The following PARK7 variants were observed in gnomAD, a reference collection of about 807,000 sequenced individuals.
PARK7 encodes the protein Parkinsonism associated deglycase, also known as Parkinson disease protein 7.
In PARK7, 14 loss-of-function variants were observed where a neutral mutation model predicts 20.5. The ratio of observed to expected loss-of-function variants is 0.68; its 90% confidence interval spans 0.45 to 1.07. The LOEUF (loss-of-function observed/expected upper bound fraction) is 1.07. Among genes scored for constraint, PARK7 ranks in the 50% least tolerant of loss-of-function variants. The pLI, the probability that PARK7 is intolerant of heterozygous loss-of-function variation, is 0.00. For synonymous variants in PARK7, 98 were observed against 84.3 expected (o/e 1.16, Z -0.89); for missense variants, 234 against 238.1 (o/e 0.98, Z 0.11).
At chr1:7,965,958 T>G (rs1640317850) in intron 3 of PARK7, among the ~76,000 whole-genome samples, 1 of 152,176 alleles carries the variant, frequency 6.6e-6, no homozygotes, top group African/African-American at 2.4e-5. Context: ...TACAGGCATG[T>G]GCCATGCCCG....
In PARK7 at chr1:7,984,445, A is replaced by G. The variant is rs1166350160; in HGVS notation, c.410-449A>G. Among the ~76,000 whole-genome samples the G allele has an allele frequency of 6.6e-6, 1 of 152,238 alleles. No homozygotes were observed. Among genetic ancestry groups the G allele is most frequent in the African/African-American group, 2.4e-5 (1 of 41,466 alleles). On this transcript the variant is annotated intron_variant, in intron 6 of 6. Transcript: ENST00000338639. The surrounding 1 kb of genome is among the most constrained non-coding windows in gnomAD (Gnocchi z 4.3). Reference sequence around the variant, plus strand: ...CACACTCACATGCATACCCGCCTCCATTACGTTGTGCTGTGGTTGTTTTTG... The same window carrying G: ...CACACTCACATGCATACCCGCCTCCGTTACGTTGTGCTGTGGTTGTTTTTG...
chr1:7,963,819 CTT>C lies in PARK7; in HGVS notation c.90+958_90+959del, dbSNP rs34787365. 5.2e-3 allele frequency among the ~76,000 whole-genome samples: 747 copies of C among 144,250 alleles called. 2 individuals are homozygous for C. The highest frequency in any genetic ancestry group is 0.013 in the African/African-American group (495 of 38,990). 94.6% of individuals were successfully genotyped at this position (144,250 alleles called of 152,430 possible). ...CTCTTGTGTATCCATGCATGTGTGT[CTT>C]TTTTTTTTTTTTTAAGACAGAGTCT... is the stretch of plus-strand genomic sequence containing the variant. On this transcript the variant is annotated intron_variant, in intron 2 of 6. Transcript: ENST00000338639.
intron 4 of PARK7, 108 bp from the exon 5 acceptor site, chr1:7,970,786 G>T: frequency 1.0e-6 from 1 of 999,702 alleles, no homozygotes; most frequent in East Asian, 2.5e-5. Context: ...AAATAGGTCA[G>T]AGAGCTTGTG....
chr1:7,971,719 G>A (rs1188969906), intron 5 of PARK7: 1 of 152,146 alleles, frequency 6.6e-6, no homozygotes. Context: ...GATCACCTGA[G>A]GTCAGGAGTT....
rs529613247 is a variant in PARK7 at position 7,964,640 on chromosome 1, A to G, written c.91-684A>G. Among the ~76,000 whole-genome samples, 9 of 152,346 alleles carry G rather than the reference A, an allele frequency of 5.9e-5. No individual in the cohort carries two copies. The East Asian group carries it at 1.7e-3, about 29-fold the overall frequency. On this transcript the variant is annotated intron_variant, in intron 2 of 6. Coordinates refer to ENST00000338639, the MANE Select transcript of PARK7 (RefSeq NM_007262.5). The stretch of plus-strand genomic sequence containing the variant: ...GGCCGAAGGATAGCCTGTAGTCAGC[A>G]TGACTAGGTTTTGCCAAGTTGCTCT...
At chr1:7,981,759 C>T (rs979747611) in intron 6 of PARK7, among the ~76,000 whole-genome samples, 4 of 149,744 alleles carry the variant, frequency 2.7e-5, no homozygotes, top group African/African-American at 9.8e-5. Context: ...CCCAGGTTCA[C>T]GCCATTCTCC....
At chr1:7,969,559 A>G (rs926692001) in intron 4 of PARK7, among the ~76,000 whole-genome samples, 155 bp downstream of exon 4, 3 of 152,042 alleles carry the variant, frequency 2.0e-5, no homozygotes, top group African/African-American at 7.3e-5. Context: ...AAATTAACAA[A>G]ATGGTGTTAT....
chr1:7,973,667 T>C (rs1372612453), intron 5 of PARK7, among the ~76,000 whole-genome samples: 1 of 151,744 alleles, frequency 6.6e-6, no homozygotes, highest in East Asian at 1.9e-4. Flanking sequence ...TGAGCCAAGA[T>C]TGCGCCATTG....
At chr1:7,982,521 C>T (rs1490504065) in intron 6 of PARK7, among the ~76,000 whole-genome samples, 27 of 152,076 alleles carry the variant, frequency 1.8e-4, no homozygotes, top group Admixed American at 1.8e-3. Flanking sequence ...TTTTGCTTCT[C>T]GTGGTTAAAA....
Position 7,984,744 on chromosome 1 carries a change from C to A in PARK7, c.410-150C>A. On this transcript the variant is annotated intron_variant, in intron 6 of 6. Coordinates refer to ENST00000338639, the MANE Select transcript of PARK7 (RefSeq NM_007262.5). The surrounding 1 kb of genome is among the most constrained non-coding windows in gnomAD (Gnocchi z 4.3). ...TTAAAAATACCTTTGTAGGGGGCTTCTAAGAGCTTGGAGTGCCTAGTAAAT... is the reference window on the plus strand; with the variant it reads ...TTAAAAATACCTTTGTAGGGGGCTTATAAGAGCTTGGAGTGCCTAGTAAAT... 1.1e-6 allele frequency: 1 copy of A among 915,816 alleles called. No individual in the cohort carries two copies. 56.7% of individuals were successfully genotyped at this position (915,816 alleles called of 1,614,324 possible).
rs1578107589 is a variant in PARK7 at position 7,985,171 on chromosome 1, A to G, written c.*117A>G. On this transcript the variant is annotated 3_prime_UTR_variant, in exon 7 of 7. Coordinates refer to ENST00000338639, the MANE Select transcript of PARK7 (RefSeq NM_007262.5). ...GTGTTCAGAAGTCGCTGTCCTTACT[A>G]CTTTTGCGGAAGTATGGAAGTCACA... 7 of 1,390,732 alleles carry G rather than the reference A, an allele frequency of 5.0e-6. No homozygotes were observed. Among genetic ancestry groups the G allele is most frequent in the Non-Finnish European group, 6.9e-6 (7 of 1,014,786 alleles). The allele number at this position is 1,390,732 out of a possible 1,614,324, so 86.1% of individuals were successfully genotyped here.
intron 6 of PARK7, among the ~76,000 whole-genome samples, chr1:7,983,493 C>G (rs192830563): frequency 2.0e-5 from 3 of 152,258 alleles, no homozygotes; most frequent in African/African-American, 4.8e-5. Context: ...CAGCCTAGTG[C>G]AGGCACCACC....
At chr1:7,973,106 C>T (rs190563741) in intron 5 of PARK7, among the ~76,000 whole-genome samples, 1 of 152,238 alleles carries the variant, frequency 6.6e-6, no homozygotes, top group African/African-American at 2.4e-5. Flanking sequence ...CACATAAAAG[C>T]TAAAGGGATT....
chr1:7,970,387 G>A (rs1272834235), intron 4 of PARK7, among the ~76,000 whole-genome samples: 3 of 152,190 alleles, frequency 2.0e-5, no homozygotes, highest in Non-Finnish European at 4.4e-5. Flanking sequence ...TGGGGCTAGG[G>A]CTGCCAGCAG....
intron 3 of PARK7, 61 bp from the exon 4 acceptor site, chr1:7,969,284 C>T: frequency 7.4e-7 from 1 of 1,355,718 alleles, no homozygotes; most frequent in African/African-American, 1.4e-5. Context: ...ATTGGACTGT[C>T]AATTTAATGC....
intron 5 of PARK7, among the ~76,000 whole-genome samples, 173 bp from the exon 6 acceptor site, chr1:7,977,479 G>A (rs969330174): frequency 9.9e-5 from 15 of 152,086 alleles, no homozygotes; most frequent in Non-Finnish European, 1.8e-4. Flanking sequence ...GTTAGAGAAG[G>A]GGTCTGTGTT....
intron 6 of PARK7, among the ~76,000 whole-genome samples, chr1:7,981,225 T>G (rs559923451): frequency 6.6e-6 from 1 of 152,314 alleles, no homozygotes; most frequent in South Asian, 2.1e-4. Flanking sequence ...GCCTGTTTCC[T>G]CATCCGTTGC....
chr1:7,970,084 A>G (rs1445259108), intron 4 of PARK7, among the ~76,000 whole-genome samples: 2 of 151,902 alleles, frequency 1.3e-5, no homozygotes, highest in Non-Finnish European at 2.9e-5. Context: ...AGTCCCAGCT[A>G]CTCGGGAGGC....
intron 2 of PARK7, among the ~76,000 whole-genome samples, chr1:7,964,583 T>C (rs1640287543): frequency 6.6e-6 from 1 of 152,200 alleles, no homozygotes. Flanking sequence ...AGGAAATTTT[T>C]CCAGGTTATA....
Sources: gnomAD v4.1 joint callset for allele counts (sites outside exome capture counted in the v4.1 genomes callset) on GRCh38, gnomAD v4.1.1 for gene constraint, Gnocchi (gnomAD v3.1) non-coding constraint, MANE v1.5 for transcripts, NCBI Gene and HGNC (gene_info 2026-07-23, HGNC 2026-07-21) for gene names.